LPP: variants seen among roughly 807,000 people sequenced by gnomAD.
LPP encodes the protein LIM domain containing preferred translocation partner in lipoma.
A neutral mutation model predicts 60.4 loss-of-function variants in LPP; 38 were observed. The ratio of observed to expected loss-of-function variants is 0.63; its 90% confidence interval spans 0.49 to 0.83. LPP has a LOEUF of 0.83. LPP is among the 40% of genes least tolerant of loss of function. The pLI, the probability that LPP is intolerant of heterozygous loss-of-function variation, is 0.00. For missense variants in LPP, 902 were observed against 783.6 expected (o/e 1.15, Z -1.80); for synonymous variants, 328 against 290.8 (o/e 1.13, Z -1.30).
At chr3:188,433,701 A>G (rs76197205) in intron 4 of LPP, among the ~76,000 whole-genome samples, 8,710 of 148,444 alleles carry the variant, frequency 0.059, 856 homozygotes, top group African/African-American at 0.2. Flanking sequence ...AGAGAGAGAG[A>G]TGATGGAGAA....
intron 1 of LPP, among the ~76,000 whole-genome samples, chr3:188,162,779 T>G (rs1016783232): frequency 6.6e-6 from 1 of 152,164 alleles, no homozygotes; most frequent in Non-Finnish European, 1.5e-5. Context: ...TGTGTCCGAT[T>G]CTGGGTGCCC....
At chr3:188,507,636 A>G (rs1813948896) in intron 5 of LPP, among the ~76,000 whole-genome samples, 1 of 152,138 alleles carries the variant, frequency 6.6e-6, no homozygotes, top group Non-Finnish European at 1.5e-5. Flanking sequence ...AACCTTGTAT[A>G]GCAAGATAAG....
At chr3:188,804,283 A>ATATATATAT (rs1553853277) in intron 9 of LPP, among the ~76,000 whole-genome samples, 388 of 126,374 alleles carry the variant, frequency 3.1e-3, no homozygotes, top group South Asian at 3.8e-3. Context: ...ATATATATAT[A>ATATATATAT]AAATGGAATA....
At chr3:188,428,944 G>A (rs75545930) in intron 4 of LPP, among the ~76,000 whole-genome samples, 3,658 of 152,078 alleles carry the variant, frequency 0.024, 162 homozygotes, top group African/African-American at 0.084. Context: ...TTATAATTGT[G>A]ACTCAATCCT....
chr3:188,241,023 T>C, intron 2 of LPP, among the ~76,000 whole-genome samples: 1 of 152,298 alleles, frequency 6.6e-6, no homozygotes, highest in Middle Eastern at 3.4e-3. Context: ...TCTAAAGTGA[T>C]GATTTTAGAG....
At chr3:188,778,527 A>G (rs1447845277) in intron 9 of LPP, among the ~76,000 whole-genome samples, 1 of 152,214 alleles carries the variant, frequency 6.6e-6, no homozygotes, top group African/African-American at 2.4e-5. Context: ...GGATCTCATT[A>G]TAAAGATTCT....
intron 6 of LPP, among the ~76,000 whole-genome samples, chr3:188,599,751 G>GGTGTGTGTGTGTGT (rs71169011): frequency 0.023 from 3,208 of 139,834 alleles, 54 homozygotes; most frequent in African/African-American, 0.043. Context: ...ACTCGTTAGG[G>GGTGTGTGTGTGTGT]GTGTGTGTGT....
intron 9 of LPP, among the ~76,000 whole-genome samples, chr3:188,832,810 A>G (rs1757453180): frequency 6.6e-6 from 1 of 152,196 alleles, no homozygotes. Flanking sequence ...GCGGGAGCCT[A>G]GGACATGCCA....
At chr3:188,640,434 G>T (rs1338720988) in intron 7 of LPP, among the ~76,000 whole-genome samples, 1 of 148,800 alleles carries the variant, frequency 6.7e-6, no homozygotes, top group African/African-American at 2.5e-5. Flanking sequence ...CGAGTTAGTG[G>T]GTGCAGCGCA....
chr3:188,650,066 C>G (rs537802784), intron 7 of LPP, among the ~76,000 whole-genome samples: 1 of 152,332 alleles, frequency 6.6e-6, no homozygotes, highest in East Asian at 1.9e-4. Context: ...AGATTTCTCA[C>G]TTGAAACAGT....
chr3:188,508,489 T>C (rs921059827), intron 5 of LPP, among the ~76,000 whole-genome samples: 10 of 152,232 alleles, frequency 6.6e-5, no homozygotes, highest in African/African-American at 2.4e-4. Context: ...TGCTAATTTG[T>C]GGATATTGCT....
At chr3:188,516,501 G>A (rs918587540) in intron 5 of LPP, among the ~76,000 whole-genome samples, 9 of 151,706 alleles carry the variant, frequency 5.9e-5, no homozygotes, top group African/African-American at 1.7e-4. Flanking sequence ...GTGTCAATTG[G>A]TATTTTCATG....
intron 3 of LPP, among the ~76,000 whole-genome samples, chr3:188,348,522 A>G (rs1423454803): frequency 6.6e-6 from 1 of 152,246 alleles, no homozygotes. Context: ...CATCTGATTA[A>G]TAATCCTTAT....
intron 3 of LPP, among the ~76,000 whole-genome samples, chr3:188,350,445 G>C (rs1765535559): frequency 6.6e-6 from 1 of 152,208 alleles, no homozygotes; most frequent in African/African-American, 2.4e-5. Flanking sequence ...GTGGGACTCG[G>C]AAGCAGGCAA....
chr3:188,870,715 T>C (rs528002098), intron 10 of LPP, among the ~76,000 whole-genome samples: 13 of 152,292 alleles, frequency 8.5e-5, no homozygotes, highest in African/African-American at 3.1e-4. Context: ...AGCCTTGAAA[T>C]AGACCACCTG....
chr3:188,355,829 A>T (rs1438536909), intron 3 of LPP, among the ~76,000 whole-genome samples: 3 of 151,870 alleles, frequency 2.0e-5, no homozygotes, highest in Non-Finnish European at 4.4e-5. Flanking sequence ...TTTGCTCAAC[A>T]CTCTCGTAGG....
chr3:188,696,388 T>G (rs905030161), intron 7 of LPP, among the ~76,000 whole-genome samples: 79 of 152,254 alleles, frequency 5.2e-4, no homozygotes, highest in Non-Finnish European at 7.4e-5. Context: ...ATCCCAGCAC[T>G]TTGGGATGCC....
At chr3:188,300,481 T>G (rs1577952481) in intron 2 of LPP, among the ~76,000 whole-genome samples, 1 of 142,526 alleles carries the variant, frequency 7.0e-6, no homozygotes. Flanking sequence ...TTTTTGGCAG[T>G]AAAGGAATTT....
intron 2 of LPP, among the ~76,000 whole-genome samples, chr3:188,251,760 G>A (rs1472539861): frequency 2.0e-5 from 3 of 151,850 alleles, no homozygotes; most frequent in African/African-American, 4.8e-5. Context: ...CTTTCTTCAT[G>A]TGTCTTTCCC....
Sources: allele counts gnomAD v4.1 joint callset (sites outside exome capture counted in the v4.1 genomes callset), GRCh38; gene constraint gnomAD v4.1.1; transcripts MANE v1.5; gene names NCBI Gene and HGNC (gene_info 2026-07-23, HGNC 2026-07-21).